The following CDK5RAP2 variants were observed in gnomAD, a reference collection of about 807,000 sequenced individuals.
CDK5RAP2 encodes the protein CDK5 regulatory subunit associated protein 2, also known as CDK5 regulatory subunit-associated protein 2.
CDK5RAP2 carries 147 observed loss-of-function variants against 232.9 expected under a neutral mutation model. That is an observed-to-expected ratio of 0.63 (90% CI 0.55 to 0.72). CDK5RAP2 has a LOEUF of 0.72. Among genes scored for constraint, CDK5RAP2 ranks in the 30% least tolerant of loss-of-function variants. The probability of loss-of-function intolerance (pLI) is 0.00; values close to 1 mark genes in which losing one functional copy is unlikely to be tolerated. For synonymous variants in CDK5RAP2, 833 were observed against 833.7 expected (o/e 1.00, Z 0.01); for missense variants, 2,195 against 2,231.5 (o/e 0.98, Z 0.33).
intron 24 of CDK5RAP2, among the ~76,000 whole-genome samples, chr9:120,439,153 C>A (rs1467307378): frequency 6.6e-6 from 1 of 152,136 alleles, no homozygotes; most frequent in South Asian, 2.1e-4. Context: ...ATCTGCCCTG[C>A]AGATTTCCAG....
intron 25 of CDK5RAP2, among the ~76,000 whole-genome samples, chr9:120,427,099 G>C (rs907695596): frequency 1.3e-5 from 2 of 152,070 alleles, no homozygotes; most frequent in African/African-American, 2.4e-5. Flanking sequence ...CCCCCTATTT[G>C]TCAAGGCAGG....
At chr9:120,563,141 C>T (rs1432539960) in intron 3 of CDK5RAP2, among the ~76,000 whole-genome samples, 10 of 152,050 alleles carry the variant, frequency 6.6e-5, no homozygotes, top group Non-Finnish European at 1.3e-4. Flanking sequence ...TCTAACAAGG[C>T]CACATTCAAG....
At chr9:120,510,508 A>C (rs1405759689) in intron 12 of CDK5RAP2, among the ~76,000 whole-genome samples, 1 of 152,216 alleles carries the variant, frequency 6.6e-6, no homozygotes, top group Non-Finnish European at 1.5e-5. Context: ...CCTGAACCAG[A>C]GAGAGTGCAC....
chr9:120,568,019 C>T (rs911669186), intron 3 of CDK5RAP2, among the ~76,000 whole-genome samples: 1 of 152,274 alleles, frequency 6.6e-6, no homozygotes, highest in Non-Finnish European at 1.5e-5. Context: ...GTGCAACATG[C>T]GAACATCCTC....
At chr9:120,496,795 A>G (rs1215418733) in intron 12 of CDK5RAP2, among the ~76,000 whole-genome samples, 1 of 117,994 alleles carries the variant, frequency 8.5e-6, no homozygotes. Flanking sequence ...GGGGGGGGTC[A>G]GCCCCCCTGC....
rs147796260 is a variant in CDK5RAP2, at chr9:120,465,244, T to C, written c.2106+2616A>G. ...GAGGGCAGGTCCACAAGTTATACAGTTCCTGGCTTTCTATGCTCACCGTCC... is the reference window on the plus strand; with the variant it reads ...GAGGGCAGGTCCACAAGTTATACAGCTCCTGGCTTTCTATGCTCACCGTCC... On this transcript the variant is annotated intron_variant, in intron 18 of 37. Coordinates refer to ENST00000349780, the MANE Select transcript of CDK5RAP2 (RefSeq NM_018249.6). 1.7e-3 allele frequency among the ~76,000 whole-genome samples: 254 copies of C among 152,300 alleles called. 2 individuals are homozygous for C. The highest frequency in any genetic ancestry group is 4.6e-3 in the South Asian group (22 of 4,820).
intron 36 of CDK5RAP2, 25 bp from the exon 37 acceptor site, chr9:120,389,812 T>G (rs1163233868): frequency 6.2e-7 from 1 of 1,611,448 alleles, no homozygotes; most frequent in South Asian, 1.1e-5. Context: ...AAGAATGCAA[T>G]GATTAGGGCC....
intron 22 of CDK5RAP2, among the ~76,000 whole-genome samples, chr9:120,447,456 G>A (rs891374909): frequency 6.6e-6 from 1 of 152,142 alleles, no homozygotes; most frequent in Non-Finnish European, 1.5e-5. Flanking sequence ...TGGGGAAGTG[G>A]GTTACTTCTA....
At chr9:120,528,625 A>G in intron 9 of CDK5RAP2, 119 bp downstream of exon 9, 1 of 731,116 alleles carries the variant, frequency 1.4e-6, no homozygotes, top group South Asian at 1.5e-5. Flanking sequence ...ACTGGCATAC[A>G]GTAGCATTCA....
intron 14 of CDK5RAP2, among the ~76,000 whole-genome samples, chr9:120,479,273 A>G (rs1390444919): frequency 6.6e-6 from 1 of 152,208 alleles, no homozygotes; most frequent in Non-Finnish European, 1.5e-5. Flanking sequence ...ATAAATGTAA[A>G]AAGAATAATG....
At chr9:120,458,408 T>C (rs760694777) in intron 20 of CDK5RAP2, 42 bp downstream of exon 20, 1 of 1,596,956 alleles carries the variant, frequency 6.3e-7, no homozygotes, top group Non-Finnish European at 8.6e-7. Flanking sequence ...TGTTCTCCCC[T>C]AGAACTAGAG....
intron 25 of CDK5RAP2, among the ~76,000 whole-genome samples, chr9:120,425,665 G>A (rs890282295): frequency 3.3e-5 from 5 of 152,272 alleles, no homozygotes; most frequent in Admixed American, 1.3e-4. Context: ...CAGTACTTCC[G>A]AGCTCAAAAT....
intron 1 of CDK5RAP2, among the ~76,000 whole-genome samples, chr9:120,572,665 T>C (rs1267147236): frequency 2.0e-5 from 3 of 152,188 alleles, no homozygotes; most frequent in African/African-American, 7.2e-5. Flanking sequence ...AGGTGTGGTG[T>C]GACACAAAAG....
chr9:120,394,580 T>C lies in CDK5RAP2; in HGVS notation c.5510A>G (p.Lys1837Arg). Residue 1837 changes from lysine (K) to arginine (R), a missense_variant, in exon 36 of 38, where the codon AAG becomes AGG. Coordinates refer to ENST00000349780, the MANE Select transcript of CDK5RAP2 (RefSeq NM_018249.6). ...KLHKKLFEQE[K>R]KLQNTMKLLQ... ...AAGCTTCATGGTGTTTTGCAACTTCTTTTCTTGTTCAAACAATTTTTTATG... is the reference window on the plus strand; with the variant it reads ...AAGCTTCATGGTGTTTTGCAACTTCCTTTCTTGTTCAAACAATTTTTTATG... The C allele has an allele frequency of 6.2e-7, 1 of 1,614,176 alleles. No homozygotes were observed. The highest frequency in any genetic ancestry group is 2.2e-5 in the East Asian group (1 of 44,890).
chr9:120,449,274 T>C (rs577922762), intron 21 of CDK5RAP2, among the ~76,000 whole-genome samples: 2 of 152,158 alleles, frequency 1.3e-5, no homozygotes, highest in African/African-American at 4.8e-5. Context: ...AAAACTCAAC[T>C]CAAATGGGCC....
chr9:120,568,485 G>C (rs927352934), intron 2 of CDK5RAP2, 97 bp from the exon 3 acceptor site: 2 of 872,230 alleles, frequency 2.3e-6, no homozygotes, highest in South Asian at 2.6e-5. Flanking sequence ...AACACGAACT[G>C]CTTCCACAGT....
intron 7 of CDK5RAP2, among the ~76,000 whole-genome samples, chr9:120,533,565 C>T (rs1453580137): frequency 6.6e-6 from 1 of 151,562 alleles, no homozygotes; most frequent in African/African-American, 2.4e-5. Context: ...TTTGAGAGGC[C>T]GGCAAATCAC....
rs563655700 is a variant in CDK5RAP2 at position 120,547,378 on chromosome 9, C to T, written c.307-1588G>A. On this transcript the variant is annotated intron_variant, in intron 4 of 37. Coordinates refer to ENST00000349780, the MANE Select transcript of CDK5RAP2 (RefSeq NM_018249.6). ...TAGCAGTTTGGGAGGCTGAGGTGGGCGGATCACTTGAGGTCAGGAGTTCGA... is the reference window on the plus strand; with the variant it reads ...TAGCAGTTTGGGAGGCTGAGGTGGGTGGATCACTTGAGGTCAGGAGTTCGA... 6.6e-5 allele frequency among the ~76,000 whole-genome samples: 10 copies of T among 151,742 alleles called. No individual in the cohort carries two copies. In the East Asian group the frequency reaches 1.2e-3, roughly 18 times the overall value.
At chr9:120,446,150 CAG>C (rs2036174925) in intron 22 of CDK5RAP2, among the ~76,000 whole-genome samples, 1 of 152,152 alleles carries the variant, frequency 6.6e-6, no homozygotes, top group Non-Finnish European at 1.5e-5. Context: ...CAAAAGCAAA[CAG>C]AGACAATATG....
Sources: gnomAD v4.1 joint callset for allele counts (sites outside exome capture counted in the v4.1 genomes callset) on GRCh38, gnomAD v4.1.1 for gene constraint, MANE v1.5 for transcripts, NCBI Gene and HGNC (gene_info 2026-07-23, HGNC 2026-07-21) for gene names.